Variants in SLC5A1 observed in about 807,000 individuals in gnomAD.
SLC5A1 encodes sodium/glucose cotransporter 1.
Under a neutral mutation model 73.5 loss-of-function variants are expected in SLC5A1, and 42 were observed. The ratio of observed to expected loss-of-function variants is 0.57; its 90% CI spans 0.45 to 0.74. The LOEUF (loss-of-function observed/expected upper bound fraction) is 0.74, where lower values mean the gene tolerates loss of function less well. Among genes scored for constraint, SLC5A1 ranks in the 30% least tolerant of loss-of-function variants. The pLI is 0.00. For missense variants in SLC5A1, 634 were observed against 855.4 expected (o/e 0.74, Z 3.23); for synonymous variants, 300 against 317.4 (o/e 0.95, Z 0.58).
At chr22:32,086,030 A>G (rs1040489031) in intron 9 of SLC5A1, among the ~76,000 whole-genome samples, 190 bp from the exon 10 acceptor site, 1 of 151,860 alleles carries the variant, frequency 6.6e-6, no homozygotes, top group African/African-American at 2.4e-5. Context: ...AGTCCCAGCT[A>G]CTTGGGAGGC....
intron 12 of SLC5A1, among the ~76,000 whole-genome samples, chr22:32,100,884 C>T (rs781297661): frequency 4.6e-5 from 7 of 152,228 alleles, no homozygotes; most frequent in Non-Finnish European, 1.0e-4. Context: ...GGCAATCCCC[C>T]GGTTCAGATT....
At chr22:32,082,098 A>C in intron 6 of SLC5A1, 127 bp downstream of exon 6, 1 of 736,746 alleles carries the variant, frequency 1.4e-6, no homozygotes, top group South Asian at 1.4e-5. Context: ...AGAGTTTGGG[A>C]GTGAGGTATT....
At chr22:32,055,744 A>G (rs1352390064) in intron 2 of SLC5A1, among the ~76,000 whole-genome samples, 1 of 152,272 alleles carries the variant, frequency 6.6e-6, no homozygotes, top group African/African-American at 2.4e-5. Context: ...AATGAAGATC[A>G]GAATAATACA....
At chr22:32,065,446 T>C (rs1302947374) in intron 2 of SLC5A1, among the ~76,000 whole-genome samples, 1 of 152,190 alleles carries the variant, frequency 6.6e-6, no homozygotes, top group Non-Finnish European at 1.5e-5. Flanking sequence ...TTCTTTAATA[T>C]TAGAGAAAGT....
intron 5 of SLC5A1, among the ~76,000 whole-genome samples, chr22:32,080,648 G>C (rs569420359): frequency 6.6e-6 from 1 of 152,298 alleles, no homozygotes; most frequent in East Asian, 1.9e-4. Context: ...AAAACAGTTC[G>C]TGCATTCATT....
chr22:32,063,409 C>T (rs1002208810), intron 2 of SLC5A1, among the ~76,000 whole-genome samples: 2 of 152,276 alleles, frequency 1.3e-5, no homozygotes, highest in Non-Finnish European at 2.9e-5. Context: ...TGAGAGAAGA[C>T]GGAGGCTTGC....
At chr22:32,087,168 A>C (rs2094009622) in intron 10 of SLC5A1, among the ~76,000 whole-genome samples, 1 of 152,182 alleles carries the variant, frequency 6.6e-6, no homozygotes, top group African/African-American at 2.4e-5. Flanking sequence ...AGTTCAAGAG[A>C]TCTATTGTAC....
At chr22:32,093,110 C>T (rs922167496) in intron 11 of SLC5A1, among the ~76,000 whole-genome samples, 2 of 151,994 alleles carry the variant, frequency 1.3e-5, no homozygotes, top group African/African-American at 4.8e-5. Context: ...TTAGTTGGCT[C>T]TAAGTATTTG....
chr22:32,060,570 A>G (rs771190051), intron 2 of SLC5A1, among the ~76,000 whole-genome samples: 10 of 151,938 alleles, frequency 6.6e-5, no homozygotes, highest in Non-Finnish European at 1.0e-4. Context: ...TGTCCTCCAG[A>G]TCTTAGCATT....
chr22:32,106,693 G>A lies in SLC5A1; in HGVS notation c.1771+1802G>A, dbSNP rs2094046613. ...TGAAATAACGCTTAGTCAGTGCCCA[G>A]AGACTTATCCTGTAAGTTAATACTT... On this transcript the variant is annotated intron_variant, in intron 14 of 14. Coordinates refer to ENST00000266088, the MANE Select transcript of SLC5A1 (RefSeq NM_000343.4). Among the ~76,000 whole-genome samples the A allele has an allele frequency of 2.6e-5, 4 of 152,316 alleles. No homozygotes were observed. In the South Asian group the frequency reaches 8.3e-4, roughly 32 times the overall value.
chr22:32,070,142 G>A (rs141990824), intron 5 of SLC5A1, among the ~76,000 whole-genome samples: 2,382 of 151,326 alleles, frequency 0.016, 30 homozygotes, highest in Non-Finnish European at 0.024. Flanking sequence ...GGGCGACTGG[G>A]GTACCTTTGA....
intron 1 of SLC5A1, among the ~76,000 whole-genome samples, chr22:32,049,388 C>CT (rs2093942198): frequency 7.0e-6 from 1 of 142,010 alleles, no homozygotes; most frequent in East Asian, 2.1e-4. Context: ...CCATATGGTA[C>CT]TTTTTAAAAG....
intron 10 of SLC5A1, among the ~76,000 whole-genome samples, chr22:32,091,298 AACACACACACACACACACACAC>A (rs67059150): frequency 3.6e-5 from 5 of 138,968 alleles, no homozygotes; most frequent in Admixed American, 1.4e-4. Context: ...CACATACACA[AACACACACACACACACACACAC>A]ACACACACAC....
chr22:32,047,491 T>G (rs911292099), intron 1 of SLC5A1, among the ~76,000 whole-genome samples: 15 of 151,276 alleles, frequency 9.9e-5, no homozygotes, highest in African/African-American at 3.7e-4. Flanking sequence ...TAGCTACCTT[T>G]TCTGATTCTT....
chr22:32,073,371 A>AAT (rs2093985705), intron 5 of SLC5A1, among the ~76,000 whole-genome samples: 1 of 152,150 alleles, frequency 6.6e-6, no homozygotes, highest in African/African-American at 2.4e-5. Flanking sequence ...TCTTGCCGAT[A>AAT]ATGCTGTTAA....
chr22:32,062,160 C>T (rs182488447), intron 2 of SLC5A1, among the ~76,000 whole-genome samples: 1 of 152,304 alleles, frequency 6.6e-6, no homozygotes, highest in East Asian at 1.9e-4. Flanking sequence ...GATTCAGCTG[C>T]ATTGTAAGGT....
chr22:32,052,267 C>T (rs1291766181), intron 2 of SLC5A1, among the ~76,000 whole-genome samples: 1 of 152,122 alleles, frequency 6.6e-6, no homozygotes, highest in Non-Finnish European at 1.5e-5. Context: ...CATTTGGGGC[C>T]GACCAGAGAC....
chr22:32,085,971 C>G (rs2094007519), intron 9 of SLC5A1, among the ~76,000 whole-genome samples: 1 of 152,098 alleles, frequency 6.6e-6, no homozygotes. Context: ...GAAACCCTAT[C>G]TCTACTAAAA....
rs777568793 is a variant in SLC5A1 at position 32,084,395 on chromosome 22, G to A, written c.665-44G>A. The stretch of plus-strand genomic sequence containing the variant: ...CTATGGAAAGAAGCTGCTATGACGA[G>A]TTGAAGGTTTCAGAATGTTCATTTC... On this transcript the variant is annotated intron_variant, in intron 7 of 14. Coordinates refer to ENST00000266088, the MANE Select transcript of SLC5A1 (RefSeq NM_000343.4). 3.2e-5 allele frequency: 50 copies of A among 1,551,636 alleles called. No homozygotes were observed. The Admixed American group carries it at 8.2e-4, about 26-fold the overall frequency.
Sources: allele counts gnomAD v4.1 joint callset (sites outside exome capture counted in the v4.1 genomes callset), GRCh38; gene constraint gnomAD v4.1.1; transcripts MANE v1.5; gene names NCBI Gene and HGNC (gene_info 2026-07-23, HGNC 2026-07-21).